TRPM3: variants seen among roughly 807,000 people sequenced by gnomAD.
TRPM3 encodes long transient receptor potential channel 3.
TRPM3 carries 77 observed loss-of-function variants against 181.2 expected under a neutral mutation model. The observed-to-expected ratio is 0.42, with a 90% CI of 0.35 to 0.51. The LOEUF (loss-of-function observed/expected upper bound fraction) is 0.51. Ranked by LOEUF, TRPM3 falls within the 20% of genes least tolerant of loss-of-function variation. The pLI is 0.01. For synonymous variants in TRPM3, 745 were observed against 796.4 expected (o/e 0.94, Z 1.09); for missense variants, 1,759 against 2,196.7 (o/e 0.80, Z 3.98).
rs199677386 is a variant in TRPM3 at position 71,089,574 on chromosome 9, A to G, written c.177+31604T>C. Reference sequence around the variant, plus strand: ...AAAATAATATTTGGACAATGATGTGAAAAAAAAAACACCAAAGAATCATAA... The same window carrying G: ...AAAATAATATTTGGACAATGATGTGGAAAAAAAAACACCAAAGAATCATAA... On this transcript the variant is annotated intron_variant, in intron 1 of 25. Coordinates refer to ENST00000677713, the MANE Select transcript of TRPM3 (RefSeq NM_001366145.2). 2.5e-4 allele frequency among the ~76,000 whole-genome samples: 34 copies of G among 136,504 alleles called. No individual in the cohort carries two copies. The East Asian group carries it at 4.4e-3, about 18-fold the overall frequency. 89.6% of individuals were successfully genotyped at this position (136,504 alleles called of 152,430 possible).
intron 1 of TRPM3, among the ~76,000 whole-genome samples, chr9:71,217,821 C>G (rs1443327694): frequency 6.6e-6 from 1 of 152,116 alleles, no homozygotes; most frequent in Non-Finnish European, 1.5e-5. Flanking sequence ...AGCATCCCCT[C>G]CACAGCCCTT....
intron 1 of TRPM3, among the ~76,000 whole-genome samples, chr9:70,966,701 T>C (rs1326226385): frequency 6.6e-6 from 1 of 151,866 alleles, no homozygotes; most frequent in Admixed American, 6.6e-5. Flanking sequence ...TGAGAACAAA[T>C]GGACATATAG....
At chr9:71,401,882 C>T (rs1234283714) in intron 1 of TRPM3, among the ~76,000 whole-genome samples, 2 of 152,172 alleles carry the variant, frequency 1.3e-5, no homozygotes, top group African/African-American at 4.8e-5. Flanking sequence ...GAGCAGCCTT[C>T]AGGCAGAGAC....
At chr9:70,776,586 A>G (rs2081406881) in intron 7 of TRPM3, 3 of 577,486 alleles carry the variant, frequency 5.2e-6, no homozygotes, top group Non-Finnish European at 9.2e-6. Flanking sequence ...TAAATCTGTC[A>G]GTCCTGTCAA....
chr9:71,283,248 A>G (rs910191697), intron 1 of TRPM3, among the ~76,000 whole-genome samples: 3 of 152,100 alleles, frequency 2.0e-5, no homozygotes, highest in African/African-American at 4.8e-5. Flanking sequence ...ACTTAGCATG[A>G]TGTCCTTAAA....
intron 7 of TRPM3, among the ~76,000 whole-genome samples, chr9:70,763,960 C>T (rs780025734): frequency 1.2e-4 from 19 of 152,038 alleles, no homozygotes; most frequent in South Asian, 2.1e-4. Flanking sequence ...TAACAGCAGA[C>T]GAAATGGCAT....
intron 1 of TRPM3, among the ~76,000 whole-genome samples, chr9:70,877,420 A>G (rs1268472142): frequency 3.9e-5 from 6 of 152,040 alleles, no homozygotes; most frequent in Admixed American, 3.9e-4. Flanking sequence ...ATAACCTGGG[A>G]TGGGAGTTGG....
intron 1 of TRPM3, among the ~76,000 whole-genome samples, chr9:70,963,421 C>CA (rs1476134637): frequency 2.6e-5 from 4 of 152,042 alleles, no homozygotes; most frequent in Non-Finnish European, 4.4e-5. Context: ...GGGGGTGCAA[C>CA]ATCAAATTTT....
At chr9:70,762,410 C>T (rs896681430) in intron 7 of TRPM3, among the ~76,000 whole-genome samples, 3 of 152,128 alleles carry the variant, frequency 2.0e-5, no homozygotes, top group Non-Finnish European at 4.4e-5. Flanking sequence ...CTAATCAATG[C>T]TCAATTATGT....
At chr9:70,653,492 T>C (rs553815296) in intron 9 of TRPM3, among the ~76,000 whole-genome samples, 1 of 151,882 alleles carries the variant, frequency 6.6e-6, no homozygotes, top group South Asian at 2.1e-4. Flanking sequence ...TGTTTCAGTC[T>C]TTCTCCCATC....
intron 7 of TRPM3, among the ~76,000 whole-genome samples, chr9:70,780,518 G>A (rs2082235519): frequency 6.7e-6 from 1 of 149,528 alleles, no homozygotes; most frequent in African/African-American, 2.4e-5. Flanking sequence ...TGGTGAATAA[G>A]GTCTAGGTGG....
intron 1 of TRPM3, among the ~76,000 whole-genome samples, chr9:70,959,787 C>A (rs115033075): frequency 6.6e-6 from 1 of 152,116 alleles, no homozygotes; most frequent in Non-Finnish European, 1.5e-5. Flanking sequence ...TTTTAGATTG[C>A]GTTATAATTT....
At chr9:70,622,995 A>C (rs941456981) in intron 14 of TRPM3, among the ~76,000 whole-genome samples, 4 of 152,132 alleles carry the variant, frequency 2.6e-5, no homozygotes, top group Non-Finnish European at 5.9e-5. Flanking sequence ...CCTGTTGTTA[A>C]ATTTTAGGTA....
intron 1 of TRPM3, among the ~76,000 whole-genome samples, chr9:70,991,555 G>GTTTTTTTTTT (rs56157123): frequency 1.5e-4 from 19 of 124,528 alleles, no homozygotes; most frequent in East Asian, 4.9e-4. Flanking sequence ...CTATGTGTCT[G>GTTTTTTTTTT]TTTTTTTTTT....
chr9:71,326,854 T>G (rs1171182113), intron 1 of TRPM3, among the ~76,000 whole-genome samples: 1 of 152,182 alleles, frequency 6.6e-6, no homozygotes, highest in African/African-American at 2.4e-5. Context: ...GCAGGGCTAG[T>G]GTCTCTGGTG....
chr9:71,082,586 T>A (rs953786472), intron 1 of TRPM3, among the ~76,000 whole-genome samples: 4 of 152,148 alleles, frequency 2.6e-5, no homozygotes, highest in East Asian at 1.9e-4. Flanking sequence ...TTCTCAGAAC[T>A]TTTTGTGCAA....
intron 1 of TRPM3, among the ~76,000 whole-genome samples, chr9:71,315,224 G>C (rs1229680170): frequency 1.3e-5 from 2 of 152,090 alleles, no homozygotes; most frequent in Non-Finnish European, 2.9e-5. Context: ...ACTTTTCCTA[G>C]GTTGTCCAGC....
chr9:71,240,233 C>T (rs902619017), intron 1 of TRPM3, among the ~76,000 whole-genome samples: 1 of 152,110 alleles, frequency 6.6e-6, no homozygotes, highest in African/African-American at 2.4e-5. Context: ...TAAATTAAAA[C>T]AATTTTTTAT....
intron 1 of TRPM3, among the ~76,000 whole-genome samples, chr9:70,920,118 A>G (rs2096640259): frequency 6.6e-6 from 1 of 152,368 alleles, no homozygotes; most frequent in South Asian, 2.1e-4. Context: ...TCAGTATTTT[A>G]TGATTACCTC....
Sources: allele counts gnomAD v4.1 joint callset (sites outside exome capture counted in the v4.1 genomes callset), GRCh38; gene constraint gnomAD v4.1.1; transcripts MANE v1.5; gene names NCBI Gene and HGNC (gene_info 2026-07-23, HGNC 2026-07-21).